The following SHROOM2 variants were observed in gnomAD, a reference collection of about 807,000 sequenced individuals.
SHROOM2 encodes the protein shroom family member 2.
Under a neutral mutation model 75.9 loss-of-function variants are expected in SHROOM2, and 33 were observed. The observed-to-expected ratio is 0.43, with a 90% CI of 0.33 to 0.58. The LOEUF (loss-of-function observed/expected upper bound fraction) is 0.58. Among genes scored for constraint, SHROOM2 ranks in the 20% least tolerant of loss-of-function variants. SHROOM2 has a pLI of 0.04. For synonymous variants in SHROOM2, 655 were observed against 663.6 expected (o/e 0.99, Z 0.20); for missense variants, 1,434 against 1,461.2 (o/e 0.98, Z 0.30).
In SHROOM2 at chrX:9,786,490, G is replaced by A. The variant is rs2083613667; in HGVS notation, c.-56G>A. The stretch of plus-strand genomic sequence containing the variant: ...CTCGGAGCCTCCCTTGCGATCCCAC[G>A]GCCGGGACTGCCCGGAGTGCATGGG... On this transcript the variant is annotated 5_prime_UTR_variant, in exon 1 of 10. Coordinates refer to ENST00000380913, the MANE Select transcript of SHROOM2 (RefSeq NM_001649.4). The A allele has an allele frequency of 2.4e-6, 2 of 827,135 alleles. No individual in the cohort carries two copies. Among genetic ancestry groups the A allele is most frequent in the African/African-American group, 2.2e-5 (1 of 46,300 alleles). 68.2% of individuals were successfully genotyped at this position (827,135 alleles called of 1,213,427 possible). A position where few individuals can be genotyped will look rare whatever the true frequency, so the allele number is the denominator to read the frequency against.
chrX:9,855,875 C>T (rs1015031571), intron 1 of SHROOM2, among the ~76,000 whole-genome samples: 1 of 111,288 alleles, frequency 9.0e-6, no homozygotes, highest in African/African-American at 3.3e-5. Context: ...TGGGCAGATT[C>T]CACCATCCTG....
chrX:9,928,918 TAGAC>T (rs758523464), intron 5 of SHROOM2, among the ~76,000 whole-genome samples: 29 of 112,452 alleles, frequency 2.6e-4, no homozygotes, highest in African/African-American at 7.7e-4. Flanking sequence ...AGTGTACATA[TAGAC>T]AGACAGACAT....
chrX:9,927,633 CA>C (rs1174814770), intron 5 of SHROOM2, among the ~76,000 whole-genome samples: 1 of 111,675 alleles, frequency 9.0e-6, no homozygotes, highest in African/African-American at 3.3e-5. Flanking sequence ...AAATTCCGCA[CA>C]AAAAAAGTGA....
Position 9,932,333 on chromosome X carries a change from G to A in SHROOM2, c.3050G>A (p.Arg1017Gln), listed in dbSNP as rs777139337. 28 of 1,207,242 alleles carry A rather than the reference G, an allele frequency of 2.3e-5. No individual in the cohort carries two copies. The South Asian group carries it at 3.7e-4, about 16-fold the overall frequency. Residue 1017 changes from arginine to glutamine, a missense_variant, in exon 6 of 10, where the codon CGA (arginine) becomes CAA (glutamine). Physicochemically the swap from Arg to Gln is conservative, Grantham distance 43 (BLOSUM62 1). Transcript: ENST00000380913. ...CGGGGCCGAGCGGGAACCCTACCTC[G>A]AGATTATAGATACTCGGAGGAGAGC... is the stretch of plus-strand genomic sequence containing the variant. ...EGRGRAGTLPRDYRYSEESTP... is the reference protein window; with the variant it reads ...EGRGRAGTLPQDYRYSEESTP...
At chrX:9,807,221 C>G (rs748858818) in intron 1 of SHROOM2, among the ~76,000 whole-genome samples, 9 of 112,177 alleles carry the variant, frequency 8.0e-5, no homozygotes, top group Non-Finnish European at 1.3e-4. Flanking sequence ...CCATGCCTAG[C>G]GCATAACAGA....
Position 9,895,072 on chromosome X carries a change from A to T in SHROOM2, c.1164A>T (p.Pro388=). Residue 388 remains proline (P), a synonymous_variant, in exon 4 of 10, where the codon CCA becomes CCT. Transcript: ENST00000380913. ...AGGGATCGGGAGGCCCGGGCTGCCCACAGGAGGCCCACGCAGACGGCAGCT... is the reference window on the plus strand; with the variant it reads ...AGGGATCGGGAGGCCCGGGCTGCCCTCAGGAGGCCCACGCAGACGGCAGCT... ...LGKGSGGPGC[P]QEAHADGSWP... 4 of 1,207,129 alleles carry T rather than the reference A, an allele frequency of 3.3e-6. No homozygotes were observed. The highest frequency in any genetic ancestry group is 1.7e-5 in the African/African-American group (1 of 57,720).
chrX:9,915,242 G>C (rs1361725743), intron 5 of SHROOM2, among the ~76,000 whole-genome samples: 1 of 111,693 alleles, frequency 9.0e-6, no homozygotes, highest in Non-Finnish European at 1.9e-5. Context: ...AGAGAAGCCA[G>C]GGACTCAAAT....
At chrX:9,794,394 A>G (rs1194512748) in intron 1 of SHROOM2, among the ~76,000 whole-genome samples, 1 of 110,699 alleles carries the variant, frequency 9.0e-6, no homozygotes, top group African/African-American at 3.3e-5. Flanking sequence ...TCTGAGATGT[A>G]GTTTCGCTCT....
intron 1 of SHROOM2, among the ~76,000 whole-genome samples, chrX:9,867,586 ACG>A (rs2084147578): frequency 1.8e-5 from 2 of 111,286 alleles, no homozygotes; most frequent in Middle Eastern, 4.2e-3. Context: ...TGATGCTATC[ACG>A]CATGCGGCAC....
At chrX:9,817,911 C>G (rs985825623) in intron 1 of SHROOM2, among the ~76,000 whole-genome samples, 2 of 112,134 alleles carry the variant, frequency 1.8e-5, no homozygotes, top group Non-Finnish European at 3.8e-5. Context: ...CAGCTTAAGT[C>G]ATTCAGAGCC....
At chrX:9,808,352 T>C (rs1206030163) in intron 1 of SHROOM2, among the ~76,000 whole-genome samples, 1 of 97,770 alleles carries the variant, frequency 1.0e-5, no homozygotes, top group Non-Finnish European at 2.0e-5. Flanking sequence ...GAGACCAGAC[T>C]GGGCAATATA....
chrX:9,832,026 C>T (rs2083919404), intron 1 of SHROOM2, among the ~76,000 whole-genome samples: 1 of 112,282 alleles, frequency 8.9e-6, no homozygotes, highest in Non-Finnish European at 1.9e-5. Context: ...CTGTCAGATT[C>T]TCCCTAATGT....
At chrX:9,828,113 A>AG (rs1555924937) in intron 1 of SHROOM2, among the ~76,000 whole-genome samples, 1 of 112,857 alleles carries the variant, frequency 8.9e-6, no homozygotes, top group African/African-American at 3.2e-5. Context: ...TCATGGTGGA[A>AG]GGGGAATACG....
At chrX:9,936,794 G>T (rs1461937339) in intron 6 of SHROOM2, among the ~76,000 whole-genome samples, 5 of 112,608 alleles carry the variant, frequency 4.4e-5, no homozygotes, top group Admixed American at 9.4e-5. Flanking sequence ...AGGGCTTGTT[G>T]AAGTTTGCAT....
intron 1 of SHROOM2, among the ~76,000 whole-genome samples, chrX:9,826,820 A>G (rs971242642): frequency 1.8e-5 from 2 of 112,474 alleles, no homozygotes; most frequent in African/African-American, 3.2e-5. Flanking sequence ...AAAGATTACT[A>G]TGTACATTCT....
At chrX:9,845,928 G>A (rs762826147) in intron 1 of SHROOM2, among the ~76,000 whole-genome samples, 1 of 103,361 alleles carries the variant, frequency 9.7e-6, no homozygotes, top group African/African-American at 3.6e-5. Flanking sequence ...CCAAATATAG[G>A]ACTGTCTTGA....
rs1162692448 is a variant in SHROOM2, at chrX:9,896,433, G to C, written c.2525G>C (p.Trp842Ser). The change falls in exon 4 of 10, where the codon TGG (tryptophan) becomes TCG (serine). Residue 842 changes from tryptophan to serine, a missense_variant. Coordinates refer to ENST00000380913, the MANE Select transcript of SHROOM2 (RefSeq NM_001649.4). ...CGCACATGTGAGGGCACGGAGCCCT[G>C]GTCGCGCACCACCTCCCTTGGGGAC... Reference protein sequence around the residue: ...AGRTCEGTEPWSRTTSLGDSL... With the variant: ...AGRTCEGTEPSSRTTSLGDSL... 2 of 1,210,950 alleles carry C rather than the reference G, an allele frequency of 1.7e-6. No individual in the cohort carries two copies. The highest frequency in any genetic ancestry group is 5.9e-5 in the East Asian group (2 of 33,813).
chrX:9,834,162 G>T (rs757670123), intron 1 of SHROOM2, among the ~76,000 whole-genome samples: 3 of 112,045 alleles, frequency 2.7e-5, no homozygotes, highest in Non-Finnish European at 5.6e-5. Flanking sequence ...AGCAAACGGG[G>T]GTCCATCTCA....
rs749249901 is a variant in SHROOM2 at position 9,862,135 on chromosome X, TG to T, written c.166-11516del. Among the ~76,000 whole-genome samples, 116 of 111,938 alleles carry T rather than the reference TG, an allele frequency of 1.0e-3. No individual in the cohort carries two copies. The East Asian group carries it at 0.016, about 15-fold the overall frequency. ...AAAATATTTACATTACGGCTCTTTGTGAAAAAGTTTGCTCACCCCTAATGTA... is the reference window on the plus strand; with the variant it reads ...AAAATATTTACATTACGGCTCTTTGTAAAAAGTTTGCTCACCCCTAATGTA... On this transcript the variant is annotated intron_variant, in intron 1 of 9. Coordinates refer to ENST00000380913, the MANE Select transcript of SHROOM2 (RefSeq NM_001649.4).
Sources: gnomAD v4.1 joint callset for allele counts (sites outside exome capture counted in the v4.1 genomes callset) on GRCh38, gnomAD v4.1.1 for gene constraint, MANE v1.5 for transcripts, NCBI Gene and HGNC (gene_info 2026-07-23, HGNC 2026-07-21) for gene names.